The following CATSPERB variants were observed in gnomAD, a reference collection of about 807,000 sequenced individuals.
CATSPERB encodes the protein catsper channel auxiliary subunit beta.
A neutral mutation model predicts 128.3 loss-of-function variants in CATSPERB; 93 were observed. The ratio of observed to expected loss-of-function variants is 0.72; its 90% confidence interval spans 0.61 to 0.86. The LOEUF is 0.86. Ranked by LOEUF, CATSPERB falls within the 40% of genes least tolerant of loss-of-function variation. The pLI is 0.00. For synonymous variants in CATSPERB, 381 were observed against 448.8 expected (o/e 0.85, Z 1.91); for missense variants, 1,153 against 1,329.5 (o/e 0.87, Z 2.06).
rs1595185993 is a variant in CATSPERB, at chr14:91,704,431, G to T, written c.616+121C>A. 7.2e-6 allele frequency: 7 copies of T among 975,800 alleles called. No individual in the cohort carries two copies. The East Asian group carries it at 1.5e-4, about 21-fold the overall frequency. 60.4% of individuals were successfully genotyped at this position (975,800 alleles called of 1,614,324 possible). On this transcript the variant is annotated intron_variant, in intron 7 of 26. Coordinates refer to ENST00000256343, the MANE Select transcript of CATSPERB (RefSeq NM_024764.4). The stretch of plus-strand genomic sequence containing the variant: ...ACAGTATTGAATAATAAATTTTTAG[G>T]TATTTTTAGGAAACAATTTTCCTTC...
chr14:91,664,950 C>T (rs780289945), intron 14 of CATSPERB, among the ~76,000 whole-genome samples: 11 of 152,112 alleles, frequency 7.2e-5, no homozygotes, highest in Non-Finnish European at 1.6e-4. Flanking sequence ...AGTGCAATGG[C>T]ACAATCTTGG....
intron 22 of CATSPERB, among the ~76,000 whole-genome samples, chr14:91,592,797 C>G (rs1893432241): frequency 6.6e-6 from 1 of 152,194 alleles, no homozygotes; most frequent in Non-Finnish European, 1.5e-5. Context: ...AAGGAGCCTA[C>G]TGTTAATCCT....
At chr14:91,686,525 T>C (rs1895378208) in intron 10 of CATSPERB, among the ~76,000 whole-genome samples, 1 of 152,138 alleles carries the variant, frequency 6.6e-6, no homozygotes, top group Non-Finnish European at 1.5e-5. Flanking sequence ...AATTTCACTT[T>C]TTCCCCTCCC....
intron 12 of CATSPERB, among the ~76,000 whole-genome samples, chr14:91,673,493 C>A (rs1895135384): frequency 6.6e-6 from 1 of 152,212 alleles, no homozygotes; most frequent in Non-Finnish European, 1.5e-5. Context: ...ATACAGCAAG[C>A]AGCAGGACCT....
intron 7 of CATSPERB, among the ~76,000 whole-genome samples, chr14:91,696,792 G>A (rs1359607967): frequency 6.6e-6 from 1 of 152,142 alleles, no homozygotes; most frequent in Non-Finnish European, 1.5e-5. Context: ...TGCAAGGAAT[G>A]GGATCCAGAA....
intron 4 of CATSPERB, among the ~76,000 whole-genome samples, chr14:91,721,665 A>C (rs8017733): frequency 0.92 from 140,417 of 152,048 alleles, 65,040 homozygotes; most frequent in Middle Eastern, 0.98. Context: ...CTGGCTAACA[A>C]GGTGAAACCC....
At chr14:91,605,549 T>A (rs937272899) in intron 22 of CATSPERB, among the ~76,000 whole-genome samples, 3 of 152,200 alleles carry the variant, frequency 2.0e-5, no homozygotes, top group African/African-American at 7.2e-5. Flanking sequence ...TGAAATCATT[T>A]CCACGGCCGA....
At chr14:91,587,734 CTCTT>C (rs2062931036) in intron 25 of CATSPERB, among the ~76,000 whole-genome samples, 1 of 152,082 alleles carries the variant, frequency 6.6e-6, no homozygotes, top group South Asian at 2.1e-4. Context: ...TTCGGAAACA[CTCTT>C]TCTTCTCCAC....
At chr14:91,651,475 G>T (rs8015492) in intron 15 of CATSPERB, among the ~76,000 whole-genome samples, 3,732 of 152,264 alleles carry the variant, frequency 0.025, 59 homozygotes, top group Middle Eastern at 0.048. Flanking sequence ...CCCTTGTAAA[G>T]CTTCTTCAGG....
rs183476254 is a variant in CATSPERB, at chr14:91,731,742, C to G, written c.-1+188G>C. Among the ~76,000 whole-genome samples the G allele has an allele frequency of 2.4e-4, 36 of 152,214 alleles. 1 individual carries two copies. The highest frequency in any genetic ancestry group is 2.2e-3 in the Admixed American group (34 of 15,284). ...ATAAGTTTTACATAATTACTGGATACAAGTCATGTATCTGGGCATTTTCTC... is the reference window on the plus strand; with the variant it reads ...ATAAGTTTTACATAATTACTGGATAGAAGTCATGTATCTGGGCATTTTCTC... On this transcript the variant is annotated intron_variant, in intron 1 of 26. Coordinates refer to ENST00000256343, the MANE Select transcript of CATSPERB (RefSeq NM_024764.4).
chr14:91,600,226 G>T (rs1172957964), intron 22 of CATSPERB, among the ~76,000 whole-genome samples: 1 of 152,042 alleles, frequency 6.6e-6, no homozygotes, highest in East Asian at 1.9e-4. Context: ...TTGCATTCCT[G>T]CCAGCAATGC....
intron 17 of CATSPERB, among the ~76,000 whole-genome samples, chr14:91,628,248 A>G (rs1894205812): frequency 6.6e-6 from 1 of 152,316 alleles, no homozygotes; most frequent in South Asian, 2.1e-4. Flanking sequence ...CTGCACCTAC[A>G]GGCACACACC....
At chr14:91,663,858 T>C (rs1157959675) in intron 14 of CATSPERB, among the ~76,000 whole-genome samples, 1 of 152,182 alleles carries the variant, frequency 6.6e-6, no homozygotes, top group Non-Finnish European at 1.5e-5. Flanking sequence ...TACGTATATT[T>C]ACATTGTAGT....
intron 24 of CATSPERB, among the ~76,000 whole-genome samples, chr14:91,589,226 G>T (rs1893354714): frequency 6.6e-6 from 1 of 152,230 alleles, no homozygotes; most frequent in African/African-American, 2.4e-5. Flanking sequence ...GAAAGGAGAT[G>T]CCAGACCACC....
intron 11 of CATSPERB, among the ~76,000 whole-genome samples, chr14:91,681,501 C>T (rs12889912): frequency 0.082 from 12,540 of 152,196 alleles, 542 homozygotes; most frequent in African/African-American, 0.11. Flanking sequence ...GGTAACATCC[C>T]GAAGTGGGAG....
chr14:91,714,555 C>CTT lies in CATSPERB; in HGVS notation c.370+4861_370+4862dup, dbSNP rs56965295. Among the ~76,000 whole-genome samples, 559 of 88,004 alleles carry CTT rather than the reference C, an allele frequency of 6.4e-3. 14 individuals carry two copies. Among genetic ancestry groups the CTT allele is most frequent in the African/African-American group, 0.018 (469 of 26,500 alleles). 57.7% of individuals were successfully genotyped at this position (88,004 alleles called of 152,430 possible). ...CAATAACACTCCAAACCATAAACTACTTTTTTTTTTTTTTTTTTTTTTGAG... is the reference window on the plus strand; with the variant it reads ...CAATAACACTCCAAACCATAAACTACTTTTTTTTTTTTTTTTTTTTTTTTGAG... On this transcript the variant is annotated intron_variant, in intron 5 of 26. Coordinates refer to ENST00000256343, the MANE Select transcript of CATSPERB (RefSeq NM_024764.4).
At chr14:91,690,587 A>G (rs1461961677) in intron 10 of CATSPERB, among the ~76,000 whole-genome samples, 2 of 152,242 alleles carry the variant, frequency 1.3e-5, no homozygotes, top group Non-Finnish European at 2.9e-5. Flanking sequence ...CTATTTTGAC[A>G]GTTATTTCCC....
chr14:91,669,131 G>T (rs1172018292), intron 14 of CATSPERB, among the ~76,000 whole-genome samples: 3 of 152,230 alleles, frequency 2.0e-5, no homozygotes, highest in Non-Finnish European at 4.4e-5. Flanking sequence ...AAATATGGAA[G>T]AGAGTTTTAA....
Position 91,723,186 on chromosome 14 carries a change from T to TTTTC in CATSPERB, c.169-1_171dup (p.Ile58GlufsTer9). The TTTTC allele has an allele frequency of 6.8e-7, 1 of 1,463,584 alleles. No individual in the cohort carries two copies. Among genetic ancestry groups the TTTTC allele is most frequent in the South Asian group, 1.5e-5 (1 of 66,120 alleles). The allele number at this position is 1,463,584 out of a possible 1,614,324, so 90.7% of individuals were successfully genotyped here. A position where few individuals can be genotyped will look rare whatever the true frequency, so the allele number is the denominator to read the frequency against. On this transcript the variant is annotated frameshift_variant, in exon 4 of 27. Transcript: ENST00000256343. LOFTEE classifies it high-confidence loss of function. The stretch of plus-strand genomic sequence containing the variant: ...TTTTCAGTTTGGAAGAAACACTGGA[T>TTTTC]TTTCTTTAGGAAAGCAAGAAAAAAA...
Sources: gnomAD v4.1 joint callset for allele counts (sites outside exome capture counted in the v4.1 genomes callset) on GRCh38, gnomAD v4.1.1 for gene constraint, MANE v1.5 for transcripts, NCBI Gene and HGNC (gene_info 2026-07-23, HGNC 2026-07-21) for gene names.